The following CAND2 variants were observed in gnomAD, a reference collection of about 807,000 sequenced individuals.
CAND2 encodes the protein cullin-associated NEDD8-dissociated protein 2.
In CAND2, 62 loss-of-function variants were observed where a neutral mutation model predicts 98.9. The ratio of observed to expected loss-of-function variants is 0.63; its 90% CI spans 0.51 to 0.77. CAND2 has a LOEUF of 0.77. CAND2 is among the 30% of genes least tolerant of loss of function. The pLI is 0.00. For synonymous variants in CAND2, 770 were observed against 731.9 expected (o/e 1.05, Z -0.84); for missense variants, 1,501 against 1,655.2 (o/e 0.91, Z 1.62).
rs191048394 is a variant in CAND2, at chr3:12,796,705, G to A, written c.-16G>A. The A allele has an allele frequency of 6.4e-6, 10 of 1,566,102 alleles. No individual in the cohort carries two copies. Among genetic ancestry groups the A allele is most frequent in the Non-Finnish European group, 8.6e-6 (10 of 1,156,672 alleles). The stretch of plus-strand genomic sequence containing the variant: ...ATATTCCCTCCCGCCGGCCGGCTCC[G>A]CGGCGCGCAGCCACCATGAGCACCG... On this transcript the variant is annotated 5_prime_UTR_variant, in exon 1 of 15. Coordinates refer to ENST00000456430, the MANE Select transcript of CAND2 (RefSeq NM_001162499.2).
At chr3:12,805,833 T>G (rs151336456) in intron 2 of CAND2, among the ~76,000 whole-genome samples, 1 of 152,320 alleles carries the variant, frequency 6.6e-6, no homozygotes, top group East Asian at 1.9e-4. Context: ...GCATGGACAG[T>G]GCTTTGTTTT....
intron 2 of CAND2, among the ~76,000 whole-genome samples, chr3:12,804,440 G>T (rs2061790525): frequency 6.6e-6 from 1 of 152,170 alleles, no homozygotes. Flanking sequence ...TCCAGCCTGG[G>T]CAACAAGAGC....
chr3:12,796,952 T>A (rs2124827158), intron 1 of CAND2, among the ~76,000 whole-genome samples, 164 bp downstream of exon 1: 1 of 139,882 alleles, frequency 7.1e-6, no homozygotes, highest in Admixed American at 7.2e-5. Flanking sequence ...CACTCCTGCC[T>A]CGTGGTCCCC....
chr3:12,829,311 A>G (rs1017247988), intron 13 of CAND2, among the ~76,000 whole-genome samples: 1 of 151,914 alleles, frequency 6.6e-6, no homozygotes, highest in African/African-American at 2.4e-5. Flanking sequence ...ACGCTCGGCT[A>G]ATTTTTATAT....
rs1052489679 is a variant in CAND2 at position 12,812,550 on chromosome 3, G to A, written c.758-440G>A. On this transcript the variant is annotated intron_variant, in intron 5 of 14. Transcript: ENST00000456430. ...CTCCTGAGTAGCTGGGACTACAGGC[G>A]CCCGCCACCGCGCCCGGCTAATTTT... Among the ~76,000 whole-genome samples the A allele has an allele frequency of 2.2e-3, 336 of 151,684 alleles. 1 individual carries two copies. The highest frequency in any genetic ancestry group is 7.4e-3 in the African/African-American group (305 of 41,324).
rs186312855 is a variant in CAND2, at chr3:12,834,319, G to A, written c.*337G>A. 1.8e-5 allele frequency: 5 copies of A among 285,298 alleles called. No individual in the cohort carries two copies. The East Asian group carries it at 3.3e-4, about 19-fold the overall frequency. The allele number at this position is 285,298 out of a possible 1,614,324, so 17.7% of individuals were successfully genotyped here. On this transcript the variant is annotated 3_prime_UTR_variant, in exon 15 of 15. Transcript: ENST00000456430. ...GGTGTCTCTGCCTCACAAACTAGTA[G>A]TATTTAGAAATAGGCTGTGCTGTCA... is the stretch of plus-strand genomic sequence containing the variant.
rs923730002 is a variant in CAND2 at position 12,816,481 on chromosome 3, C to T, written c.1549C>T (p.Pro517Ser). The T allele has an allele frequency of 1.9e-6, 3 of 1,613,878 alleles. No individual in the cohort carries two copies. The African/African-American group carries it at 4.0e-5, about 22-fold the overall frequency. ...LGTEPAEAFH[P>S]HLPILLPPVM... Reference sequence around the variant, plus strand: ...CACCGAACCAGCTGAGGCCTTCCACCCACACTTGCCTATCCTCCTGCCACC... The same window carrying T: ...CACCGAACCAGCTGAGGCCTTCCACTCACACTTGCCTATCCTCCTGCCACC... Residue 517 changes from proline (P) to serine (S), a missense_variant, in exon 10 of 15, where the codon CCA becomes TCA. Transcript: ENST00000456430.
chr3:12,808,065 G>T, intron 3 of CAND2, 145 bp from the exon 4 acceptor site: 1 of 1,086,570 alleles, frequency 9.2e-7, no homozygotes, highest in Non-Finnish European at 1.3e-6. Flanking sequence ...CCAGACTCTG[G>T]GTCAAACCTG....
At chr3:12,813,560 C>A (rs566056297) in intron 7 of CAND2, among the ~76,000 whole-genome samples, 172 bp downstream of exon 7, 2 of 152,302 alleles carry the variant, frequency 1.3e-5, no homozygotes, top group East Asian at 3.9e-4. Context: ...TGATAGTAGT[C>A]ATTGCTGTCA....
At chr3:12,798,057 G>C (rs927994315) in intron 1 of CAND2, among the ~76,000 whole-genome samples, 5 of 151,820 alleles carry the variant, frequency 3.3e-5, no homozygotes, top group African/African-American at 9.7e-5. Flanking sequence ...GAGTCTCCCT[G>C]TGCTTCTGTT....
chr3:12,801,631 C>T (rs889980226), intron 1 of CAND2, among the ~76,000 whole-genome samples: 2 of 152,216 alleles, frequency 1.3e-5, no homozygotes, highest in Non-Finnish European at 2.9e-5. Context: ...CCCTCACCTC[C>T]GGGTGGGTAG....
intron 4 of CAND2, among the ~76,000 whole-genome samples, chr3:12,809,765 G>A (rs1334898279): frequency 2.0e-5 from 3 of 151,962 alleles, no homozygotes; most frequent in Non-Finnish European, 4.4e-5. Context: ...AGACTTCCAA[G>A]AAATAGGGAC....
At chr3:12,812,697 G>A (rs1310886242) in intron 5 of CAND2, among the ~76,000 whole-genome samples, 1 of 151,526 alleles carries the variant, frequency 6.6e-6, no homozygotes, top group East Asian at 1.9e-4. Context: ...CCTGGCCTAA[G>A]CTATTTATCA....
chr3:12,812,219 A>ATTTTTTTTTTTTTTTT (rs1575768881), intron 5 of CAND2, among the ~76,000 whole-genome samples: 4 of 45,668 alleles, frequency 8.8e-5, no homozygotes, highest in African/African-American at 1.1e-4. Context: ...TAAGCTGTTT[A>ATTTTTTTTTTTTTTTT]TCTTTTTTTT....
chr3:12,806,644 C>T (rs2061808230), intron 2 of CAND2, among the ~76,000 whole-genome samples: 1 of 152,174 alleles, frequency 6.6e-6, no homozygotes, highest in African/African-American at 2.4e-5. Flanking sequence ...TTTTAGAGGC[C>T]CAGGTGATGG....
intron 12 of CAND2, 60 bp from the exon 13 acceptor site, chr3:12,827,380 A>G: frequency 6.7e-7 from 1 of 1,502,108 alleles, no homozygotes. Context: ...TTGTAGCAGA[A>G]GCTAGAAGAG....
At chr3:12,816,321 G>T in intron 9 of CAND2, 53 bp from the exon 10 acceptor site, 1 of 1,525,310 alleles carries the variant, frequency 6.6e-7, no homozygotes. Context: ...TTCCAGGGAG[G>T]GCCGTGTTGC....
At chr3:12,828,739 C>T (rs1233944320) in intron 13 of CAND2, among the ~76,000 whole-genome samples, 2 of 152,194 alleles carry the variant, frequency 1.3e-5, no homozygotes, top group African/African-American at 2.4e-5. Flanking sequence ...CTCTTTTCTC[C>T]TTCCCAAACT....
intron 11 of CAND2, 37 bp downstream of exon 11, chr3:12,820,218 T>A: frequency 6.8e-7 from 1 of 1,479,888 alleles, no homozygotes; most frequent in East Asian, 2.3e-5. Flanking sequence ...CCTTGTTCAG[T>A]GCCCCCACCC....
Sources: gnomAD v4.1 joint callset for allele counts (sites outside exome capture counted in the v4.1 genomes callset) on GRCh38, gnomAD v4.1.1 for gene constraint, MANE v1.5 for transcripts, NCBI Gene and HGNC (gene_info 2026-07-23, HGNC 2026-07-21) for gene names.